ZNF316: variants seen among roughly 807,000 people sequenced by gnomAD.
ZNF316 encodes the protein zinc finger protein 316.
In ZNF316, 23 loss-of-function variants were observed where a neutral mutation model predicts 75.6. The ratio of observed to expected loss-of-function variants is 0.30; its 90% confidence interval spans 0.22 to 0.43. ZNF316 has a LOEUF of 0.43. Among genes scored for constraint, ZNF316 ranks in the 20% least tolerant of loss-of-function variants. ZNF316 has a pLI of 1.00. For synonymous variants in ZNF316, 827 were observed against 666.2 expected (o/e 1.24, Z -3.72); for missense variants, 1,266 against 1,409.4 (o/e 0.90, Z 1.63).
Position 6,653,650 on chromosome 7 carries a change from C to T in ZNF316, c.2054C>T (p.Ala685Val), listed in dbSNP as rs909361916. The change falls in exon 9 of 9, where the codon GCG becomes GTG. Residue 685 changes from alanine (A) to valine (V), a missense_variant. Coordinates refer to ENST00000382252, the MANE Select transcript of ZNF316 (RefSeq NM_001278559.2). ...GCGGAGCCCGCGCCGGCCGCGCTGGCGGAGGAGGAGAGCCCGTGGATCTGC... is the reference window on the plus strand; with the variant it reads ...GCGGAGCCCGCGCCGGCCGCGCTGGTGGAGGAGGAGAGCCCGTGGATCTGC... ...LLAEPAPAAL[A>V]EEESPWICSD... The T allele has an allele frequency of 1.9e-5, 20 of 1,069,830 alleles. No individual in the cohort carries two copies. Among genetic ancestry groups the T allele is most frequent in the African/African-American group, 1.7e-4 (10 of 58,216 alleles). The allele number at this position is 1,069,830 out of a possible 1,614,324, so 66.3% of individuals were successfully genotyped here. A position where few individuals can be genotyped will look rare whatever the true frequency, so the allele number is the denominator to read the frequency against.
Position 6,639,100 on chromosome 7 carries a change from C to T in ZNF316, c.-208C>T, listed in dbSNP as rs1055710944. ...GGTGGACTTCTTGGGAGAAAGAACT[C>T]AGTGTCGTCTTTGGAGGCAGAGACT... On this transcript the variant is annotated 5_prime_UTR_variant, in exon 3 of 9. Transcript: ENST00000382252. The surrounding 1 kb of genome is among the most constrained non-coding windows in gnomAD (Gnocchi z 4.2). The T allele has an allele frequency of 2.0e-5, 3 of 152,244 alleles. No homozygotes were observed. Among genetic ancestry groups the T allele is most frequent in the Non-Finnish European group, 2.9e-5 (2 of 68,110 alleles). The allele number at this position is 152,244 out of a possible 1,614,324, so 9.4% of individuals were successfully genotyped here. A position where few individuals can be genotyped will look rare whatever the true frequency, so the allele number is the denominator to read the frequency against.
rs1418474267 is a variant in ZNF316 at position 6,640,603 on chromosome 7, G to C, written c.-166-1222G>C. 6.6e-6 allele frequency among the ~76,000 whole-genome samples: 1 copy of C among 152,228 alleles called. No homozygotes were observed. The highest frequency in any genetic ancestry group is 1.5e-5 in the Non-Finnish European group (1 of 68,044). The stretch of plus-strand genomic sequence containing the variant: ...CTCCAGCATTGGGGATTACGGTTCA[G>C]CGTGAGATCTGGGCGGGGACAAACA... On this transcript the variant is annotated intron_variant, in intron 3 of 8. Transcript: ENST00000382252. The surrounding 1 kb of genome is among the most constrained non-coding windows in gnomAD (Gnocchi z 5.1).
chr7:6,654,302 G>C lies in ZNF316; in HGVS notation c.2706G>C (p.Leu902=). 7 of 1,223,946 alleles carry C rather than the reference G, an allele frequency of 5.7e-6. No homozygotes were observed. Among genetic ancestry groups the C allele is most frequent in the Non-Finnish European group, 6.1e-6 (6 of 982,518 alleles). The allele number at this position is 1,223,946 out of a possible 1,614,324, so 75.8% of individuals were successfully genotyped here. A position where few individuals can be genotyped will look rare whatever the true frequency, so the allele number is the denominator to read the frequency against. ...AGCGCTTTTCGCAGCGCTCGGTGCT[G>C]GTCACGCACCAGCGCACACATACGG... ...CGKRFSQRSV[L]VTHQRTHTGE... Residue 902 remains leucine, a synonymous_variant, in exon 9 of 9, where the codon CTG becomes CTC. Transcript: ENST00000382252.
At chr7:6,643,760 A>G (rs867393988) in intron 6 of ZNF316, 62 bp from the exon 7 acceptor site, 102 of 1,230,028 alleles carry the variant, frequency 8.3e-5, no homozygotes, top group Middle Eastern at 3.1e-4. Flanking sequence ...AGTGGCCTCA[A>G]TCTTCCGTGG....
At chr7:6,638,837 C>T (rs1318528401) in intron 2 of ZNF316, among the ~76,000 whole-genome samples, 2 of 152,034 alleles carry the variant, frequency 1.3e-5, no homozygotes, top group African/African-American at 4.8e-5. Flanking sequence ...AGTTGGATGC[C>T]GAGGGAGAAG....
At chr7:6,638,717 C>T (rs1779262315) in intron 2 of ZNF316, among the ~76,000 whole-genome samples, 1 of 152,128 alleles carries the variant, frequency 6.6e-6, no homozygotes, top group African/African-American at 2.4e-5. Flanking sequence ...GGTGGATCAC[C>T]TGAGGTGGGG....
chr7:6,651,567 A>G (rs1779507757), intron 8 of ZNF316, among the ~76,000 whole-genome samples: 2 of 152,032 alleles, frequency 1.3e-5, no homozygotes. Context: ...AGGCAGAAGA[A>G]TTGCTTGAAC....
rs1401051858 is a variant in ZNF316 at position 6,647,055 on chromosome 7, G to C, written c.706+2462G>C. 3.3e-5 allele frequency among the ~76,000 whole-genome samples: 5 copies of C among 152,212 alleles called. No individual in the cohort carries two copies. In the South Asian group the frequency reaches 1.0e-3, roughly 32 times the overall value. Reference sequence around the variant, plus strand: ...CCCTGTTTTCTGCCGGCTCTGGTCTGCACTAGAGCAAGAATGTGCCTGGAG... The same window carrying C: ...CCCTGTTTTCTGCCGGCTCTGGTCTCCACTAGAGCAAGAATGTGCCTGGAG... On this transcript the variant is annotated intron_variant, in intron 8 of 8. Coordinates refer to ENST00000382252, the MANE Select transcript of ZNF316 (RefSeq NM_001278559.2).
rs558028027 is a variant in ZNF316, at chr7:6,647,883, G to A, written c.706+3290G>A. Among the ~76,000 whole-genome samples, 457 of 152,268 alleles carry A rather than the reference G, an allele frequency of 3.0e-3. 2 individuals are homozygous for A. The highest frequency in any genetic ancestry group is 7.7e-3 in the African/African-American group (322 of 41,564). ...TTCTGGGTCAGGCATGTGGCTGTGG[G>A]GCCACTGTCTTCCCCACAGCCGCTG... On this transcript the variant is annotated intron_variant, in intron 8 of 8. Coordinates refer to ENST00000382252, the MANE Select transcript of ZNF316 (RefSeq NM_001278559.2).
rs560747381 is a variant in ZNF316, at chr7:6,652,801, C to G, written c.1205C>G (p.Pro402Arg). The G allele has an allele frequency of 1.1e-5, 14 of 1,270,944 alleles. No homozygotes were observed. Among genetic ancestry groups the G allele is most frequent in the Non-Finnish European group, 1.3e-5 (13 of 1,008,032 alleles). 78.7% of individuals were successfully genotyped at this position (1,270,944 alleles called of 1,614,324 possible). Residue 402 changes from proline to arginine, a missense_variant, in exon 9 of 9, where the codon CCG becomes CGG. Coordinates refer to ENST00000382252, the MANE Select transcript of ZNF316 (RefSeq NM_001278559.2). ...ACGCACACCGGCGAGAAGCCCTTCC[C>G]GTGCCCGGACTGCGGCAAGCGCTTC... is the stretch of plus-strand genomic sequence containing the variant. ...QRTHTGEKPF[P>R]CPDCGKRFVY...
At chr7:6,646,374 G>A (rs746832790) in intron 8 of ZNF316, among the ~76,000 whole-genome samples, 18 of 152,294 alleles carry the variant, frequency 1.2e-4, no homozygotes, top group Non-Finnish European at 2.1e-4. Context: ...ACAGACCTGC[G>A]GGGCCCGTCC....
chr7:6,654,580 C>T lies in ZNF316; in HGVS notation c.2984C>T (p.Pro995Leu). Residue 995 changes from proline (P) to leucine (L), a missense_variant, in exon 9 of 9, where the codon CCC (proline) becomes CTC (leucine). Transcript: ENST00000382252. ...GAGCACCAGGCCGCGTTCGCCGGGC[C>T]CTCGGGCGCCTACCGGGAGGGCGTC... The part of the protein sequence containing the change: ...GSEHQAAFAG[P>L]SGAYREGVL 8.4e-7 allele frequency: 1 copy of T among 1,186,888 alleles called. No individual in the cohort carries two copies. The highest frequency in any genetic ancestry group is 1.0e-6 in the Non-Finnish European group (1 of 959,180). The allele number at this position is 1,186,888 out of a possible 1,614,324, so 73.5% of individuals were successfully genotyped here.
rs1583450044 is a variant in ZNF316, at chr7:6,656,656, A to G, written c.*2045A>G. 6.6e-6 allele frequency among the ~76,000 whole-genome samples: 1 copy of G among 152,174 alleles called. No individual in the cohort carries two copies. The highest frequency in any genetic ancestry group is 2.1e-4 in the South Asian group (1 of 4,828). On this transcript the variant is annotated 3_prime_UTR_variant, in exon 9 of 9. Transcript: ENST00000382252. ...CTTGGTGGCCCCCACGCTGCCCCAC[A>G]CTTGATGTAGTGTAAACACCTGACT...
At chr7:6,641,206 C>T (rs1469221791) in intron 3 of ZNF316, among the ~76,000 whole-genome samples, 3 of 152,240 alleles carry the variant, frequency 2.0e-5, no homozygotes, top group African/African-American at 7.2e-5. Context: ...ACTGCTCGAG[C>T]TGGATGAGCT....
chr7:6,645,410 G>A (rs1435028630), intron 8 of ZNF316, among the ~76,000 whole-genome samples: 1 of 152,224 alleles, frequency 6.6e-6, no homozygotes, highest in Admixed American at 6.5e-5. Flanking sequence ...CAAGCTGGGT[G>A]CGGTGGCTCA....
intron 7 of ZNF316, among the ~76,000 whole-genome samples, 161 bp downstream of exon 7, chr7:6,644,109 G>T (rs1007881700): frequency 2.0e-5 from 3 of 152,128 alleles, no homozygotes; most frequent in Non-Finnish European, 4.4e-5. Flanking sequence ...ATGGCCCCTG[G>T]GTGGGGCGGG....
In ZNF316 at chr7:6,642,355, C is replaced by G. The variant is rs958399581; in HGVS notation, c.-28-27C>G. 8.7e-7 allele frequency: 1 copy of G among 1,143,534 alleles called. No individual in the cohort carries two copies. The highest frequency in any genetic ancestry group is 1.1e-6 in the Non-Finnish European group (1 of 907,516). The allele number at this position is 1,143,534 out of a possible 1,614,324, so 70.8% of individuals were successfully genotyped here. Reference sequence around the variant, plus strand: ...ACCGTGTGGTGTGCTGAGAGCAGCCCGTCACTGGCGTCCATCTGCATTTCA... The same window carrying G: ...ACCGTGTGGTGTGCTGAGAGCAGCCGGTCACTGGCGTCCATCTGCATTTCA... On this transcript the variant is annotated intron_variant, in intron 4 of 8. Transcript: ENST00000382252. The surrounding 1 kb of genome is among the most constrained non-coding windows in gnomAD (Gnocchi z 8.1).
In ZNF316 at chr7:6,637,643, G is replaced by A. The variant is rs574867008; in HGVS notation, c.-431+196G>A. Reference sequence around the variant, plus strand: ...CGCGGGTAGGGACTTCCGCGGCAGCGCCCCCGCCTCCCGGACCCCCGTCCG... The same window carrying A: ...CGCGGGTAGGGACTTCCGCGGCAGCACCCCCGCCTCCCGGACCCCCGTCCG... On this transcript the variant is annotated intron_variant, in intron 1 of 8. Coordinates refer to ENST00000382252, the MANE Select transcript of ZNF316 (RefSeq NM_001278559.2). The surrounding 1 kb of genome is among the most constrained non-coding windows in gnomAD (Gnocchi z 6.2). 8.6e-5 allele frequency among the ~76,000 whole-genome samples: 13 copies of A among 150,514 alleles called. No individual in the cohort carries two copies. The highest frequency in any genetic ancestry group is 1.8e-4 in the Non-Finnish European group (12 of 67,534).
Position 6,653,195 on chromosome 7 carries a change from G to A in ZNF316, c.1599G>A (p.Thr533=). 2 of 1,218,126 alleles carry A rather than the reference G, an allele frequency of 1.6e-6. No individual in the cohort carries two copies. The highest frequency in any genetic ancestry group is 1.6e-5 in the African/African-American group (1 of 63,812). 75.5% of individuals were successfully genotyped at this position (1,218,126 alleles called of 1,614,324 possible). A position where few individuals can be genotyped will look rare whatever the true frequency, so the allele number is the denominator to read the frequency against. ...CGGCCGCCGCGGGGCCCGAGGACACGGACCCTGGGCCAGAGGGATCTGAAG... is the reference window on the plus strand; with the variant it reads ...CGGCCGCCGCGGGGCCCGAGGACACAGACCCTGGGCCAGAGGGATCTGAAG... ...ETAAAAGPED[T]DPGPEGSEVG... The change falls in exon 9 of 9, where the codon ACG becomes ACA. Residue 533 remains threonine, a synonymous_variant. Transcript: ENST00000382252.
Sources: allele counts gnomAD v4.1 joint callset (sites outside exome capture counted in the v4.1 genomes callset), GRCh38; gene constraint gnomAD v4.1.1; non-coding constraint Gnocchi (gnomAD v3.1); transcripts MANE v1.5; gene names NCBI Gene and HGNC (gene_info 2026-07-23, HGNC 2026-07-21).